ZNF280C: variants seen among roughly 807,000 people sequenced by gnomAD.
The protein encoded by ZNF280C is suppressor of hairy wing homolog 3.
A neutral mutation model predicts 53.6 loss-of-function variants in ZNF280C; 14 were observed. The ratio of observed to expected loss-of-function variants is 0.26; its 90% confidence interval spans 0.17 to 0.41. ZNF280C has a LOEUF of 0.41. ZNF280C is among the 10% of genes least tolerant of loss of function. ZNF280C has a pLI of 1.00. For missense variants in ZNF280C, 416 were observed against 547.1 expected (o/e 0.76, Z 2.39); for synonymous variants, 203 against 181.1 (o/e 1.12, Z -0.97).
intron 1 of ZNF280C, among the ~76,000 whole-genome samples, 196 bp from the exon 2 acceptor site, chrX:130,260,661 G>A (rs1222808061): frequency 8.9e-6 from 1 of 111,947 alleles, no homozygotes; most frequent in African/African-American, 3.2e-5. Flanking sequence ...TACTACTAGT[G>A]TGGATTTTGT....
intron 16 of ZNF280C, among the ~76,000 whole-genome samples, 180 bp from the exon 17 acceptor site, chrX:130,205,595 C>T (rs777431971): frequency 9.0e-6 from 1 of 111,324 alleles, no homozygotes; most frequent in Non-Finnish European, 1.9e-5. Context: ...AATGGCATCG[C>T]TGGCCAGGCA....
At position 130,205,210 on chromosome X, in the gene ZNF280C, A is replaced by G. The variant is rs2031959187; in HGVS notation, c.2162-57T>C. On this transcript the variant is annotated intron_variant, in intron 17 of 18. Transcript: ENST00000370978. ...GCATATATGAAGAGTGAGACTATCA[A>G]TTTAATACATGGGTCCATATGGTGT... 3.6e-6 allele frequency: 4 copies of G among 1,105,902 alleles called. No homozygotes were observed. The South Asian group carries it at 8.0e-5, about 22-fold the overall frequency. The allele number at this position is 1,105,902 out of a possible 1,213,427, so 91.1% of individuals were successfully genotyped here. A position where few individuals can be genotyped will look rare whatever the true frequency, so the allele number is the denominator to read the frequency against.
At chrX:130,209,817 G>A in intron 15 of ZNF280C, 102 bp from the exon 16 acceptor site, 1 of 636,293 alleles carries the variant, frequency 1.6e-6, no homozygotes, top group Non-Finnish European at 2.5e-6. Flanking sequence ...TCTTAGTTTT[G>A]AATAAAAGAT....
At chrX:130,260,374 A>C in intron 2 of ZNF280C, 45 bp downstream of exon 2, 1 of 1,137,258 alleles carries the variant, frequency 8.8e-7, no homozygotes, top group Non-Finnish European at 1.2e-6. Flanking sequence ...GGTTTACAGT[A>C]CAAAAACCAT....
At chrX:130,236,370 T>G in intron 7 of ZNF280C, 50 bp from the exon 8 acceptor site, 8 of 1,132,677 alleles carry the variant, frequency 7.1e-6, no homozygotes, top group Non-Finnish European at 9.5e-6. Flanking sequence ...TTTTAAAACC[T>G]TAAATGACCA....
chrX:130,242,799 C>T (rs776358888), intron 5 of ZNF280C, among the ~76,000 whole-genome samples: 2 of 111,997 alleles, frequency 1.8e-5, no homozygotes, highest in Non-Finnish European at 3.8e-5. Context: ...ACCTCGGCCT[C>T]CCAAAGTGCT....
intron 16 of ZNF280C, among the ~76,000 whole-genome samples, chrX:130,208,899 T>G (rs1000240238): frequency 9.0e-6 from 1 of 110,615 alleles, no homozygotes; most frequent in Non-Finnish European, 1.9e-5. Context: ...TTTCGCCATG[T>G]TGGCCAGGCT....
At chrX:130,253,675 C>G (rs2032537195) in intron 2 of ZNF280C, among the ~76,000 whole-genome samples, 1 of 112,037 alleles carries the variant, frequency 8.9e-6, no homozygotes, top group African/African-American at 3.2e-5. Flanking sequence ...ACTCCCTATT[C>G]AATAAATGGT....
chrX:130,239,467 A>G, intron 6 of ZNF280C, 115 bp downstream of exon 6: 1 of 418,640 alleles, frequency 2.4e-6, no homozygotes, highest in Non-Finnish European at 4.2e-6. Flanking sequence ...ATTCCATGTT[A>G]TAATATATGA....
chrX:130,239,665 G>A lies in ZNF280C; in HGVS notation c.410C>T (p.Ser137Leu), dbSNP rs778313371. The A allele has an allele frequency of 6.5e-5, 77 of 1,184,960 alleles. No individual in the cohort carries two copies. The South Asian group carries it at 8.2e-4, about 13-fold the overall frequency. The stretch of plus-strand genomic sequence containing the variant: ...AAACAGTAAAATTGAAGAATTATCC[G>A]ATCCAACTTGTGAATTCTTTGTAAA... ...PDFTKNSQVG[S>L]DNSSILLFDS... The change falls in exon 6 of 19, where the codon TCG becomes TTG. Residue 137 changes from serine (S) to leucine (L), a missense_variant. Coordinates refer to ENST00000370978, the MANE Select transcript of ZNF280C (RefSeq NM_017666.5).
intron 2 of ZNF280C, among the ~76,000 whole-genome samples, chrX:130,256,696 C>A (rs2124715592): frequency 9.1e-6 from 1 of 109,806 alleles, no homozygotes; most frequent in South Asian, 3.9e-4. Flanking sequence ...AGTGTGAGAC[C>A]AGTGTGGTCC....
intron 11 of ZNF280C, 79 bp from the exon 12 acceptor site, chrX:130,226,984 T>A (rs1311151536): frequency 2.8e-5 from 28 of 983,642 alleles, no homozygotes; most frequent in Non-Finnish European, 1.1e-5. Context: ...CAATAACGGG[T>A]CATCTGTTTG....
chrX:130,210,368 GTTT>G (rs1038830889), intron 15 of ZNF280C, among the ~76,000 whole-genome samples: 1 of 112,176 alleles, frequency 8.9e-6, no homozygotes, highest in Non-Finnish European at 1.9e-5. Flanking sequence ...TCAAATTAAA[GTTT>G]TTTAACTATT....
intron 2 of ZNF280C, among the ~76,000 whole-genome samples, chrX:130,260,055 G>T (rs776883012): frequency 1.8e-5 from 2 of 111,350 alleles, no homozygotes; most frequent in East Asian, 5.6e-4. Context: ...GGCTGAGGCG[G>T]GTGGATCACG....
At position 130,203,789 on chromosome X, in the gene ZNF280C, A is replaced by T. The variant is rs2031940707; in HGVS notation, c.*1188T>A. ...GTAATTGTAGAAATTTTGTTTTTCC[A>T]AAAACAAGAAAGTAACCTTGGTTCC... On this transcript the variant is annotated 3_prime_UTR_variant, in exon 19 of 19. Transcript: ENST00000370978. 8.9e-6 allele frequency: 1 copy of T among 112,596 alleles called. No individual in the cohort carries two copies. The highest frequency in any genetic ancestry group is 3.2e-5 in the African/African-American group (1 of 31,025). 9.3% of individuals were successfully genotyped at this position (112,596 alleles called of 1,213,427 possible).
At chrX:130,213,824 G>GA (rs1241104070) in intron 15 of ZNF280C, among the ~76,000 whole-genome samples, 2 of 111,832 alleles carry the variant, frequency 1.8e-5, no homozygotes, top group Non-Finnish European at 3.8e-5. Context: ...CCACCAAAGG[G>GA]AAAAAAATCC....
intron 6 of ZNF280C, 132 bp downstream of exon 6, chrX:130,239,450 T>G: frequency 2.6e-6 from 1 of 383,047 alleles, no homozygotes; most frequent in East Asian, 3.9e-5. Context: ...CAGGAATGAT[T>G]AGCTCTATTC....
Position 130,216,136 on chromosome X carries a change from A to T in ZNF280C, c.1528-35T>A, listed in dbSNP as rs757916366. The T allele has an allele frequency of 5.5e-6, 6 of 1,084,260 alleles. No homozygotes were observed. The South Asian group carries it at 1.3e-4, about 23-fold the overall frequency. The allele number at this position is 1,084,260 out of a possible 1,213,427, so 89.4% of individuals were successfully genotyped here. ...CAAAGCCAATACATATTTTTAGAAA[A>T]GTAACCATCGCATTAGTATTAAAAA... On this transcript the variant is annotated intron_variant, in intron 13 of 18. Coordinates refer to ENST00000370978, the MANE Select transcript of ZNF280C (RefSeq NM_017666.5).
chrX:130,242,566 G>A lies in ZNF280C; in HGVS notation c.381+997C>T, dbSNP rs755096444. Among the ~76,000 whole-genome samples, 69 of 112,075 alleles carry A rather than the reference G, an allele frequency of 6.2e-4. 1 individual carries two copies. Among genetic ancestry groups the A allele is most frequent in the Admixed American group, 4.0e-3 (42 of 10,591 alleles). On this transcript the variant is annotated intron_variant, in intron 5 of 18. Transcript: ENST00000370978. ...TTTGTTGTTGTCTTTTTGAGATGGA[G>A]TCTCACTCTGTTGCCTGGGTTGGAG...
Sources: allele counts gnomAD v4.1 joint callset (sites outside exome capture counted in the v4.1 genomes callset), GRCh38; gene constraint gnomAD v4.1.1; transcripts MANE v1.5; gene names NCBI Gene and HGNC (gene_info 2026-07-23, HGNC 2026-07-21).